KLF13: variants seen among roughly 807,000 people sequenced by gnomAD.
KLF13 encodes the protein Krueppel-like factor 13.
A neutral mutation model predicts 16.7 loss-of-function variants in KLF13; 8 were observed. The ratio of observed to expected loss-of-function variants is 0.48; its 90% CI spans 0.28 to 0.87. The LOEUF is 0.87. Among genes scored for constraint, KLF13 ranks in the 40% least tolerant of loss-of-function variants. The pLI is 0.10. For synonymous variants in KLF13, 245 were observed against 208.4 expected, an observed-to-expected ratio of 1.18 and a Z score of -1.51; for missense variants, 447 against 452.2, an observed-to-expected ratio of 0.99 and a Z score of 0.10.
At chr15:31,434,395 T>C (rs901432153) in intron 1 of KLF13, among the ~76,000 whole-genome samples, 5 of 151,992 alleles carry the variant, frequency 3.3e-5, no homozygotes, top group Non-Finnish European at 5.9e-5. Flanking sequence ...AGGCCTTTTA[T>C]AGAGGACTGG....
At chr15:31,349,726 A>G (rs766430853) in intron 1 of KLF13, among the ~76,000 whole-genome samples, 1 of 152,092 alleles carries the variant, frequency 6.6e-6, no homozygotes, top group Non-Finnish European at 1.5e-5. Context: ...TGTGCCTGTG[A>G]CCCAGGCTGG....
At chr15:31,358,844 C>T (rs551715147) in intron 1 of KLF13, among the ~76,000 whole-genome samples, 12 of 152,318 alleles carry the variant, frequency 7.9e-5, no homozygotes, top group Admixed American at 5.9e-4. Flanking sequence ...CATTGCCTCC[C>T]GATGCCCAGA....
intron 1 of KLF13, among the ~76,000 whole-genome samples, chr15:31,416,827 C>T (rs1052674147): frequency 6.6e-6 from 1 of 152,126 alleles, no homozygotes; most frequent in African/African-American, 2.4e-5. Flanking sequence ...TTGTGTGTTG[C>T]ATGTTTGCTT....
intron 2 of KLF13, among the ~76,000 whole-genome samples, chr15:31,397,883 T>TGGG (rs2039976949): frequency 3.1e-5 from 4 of 128,068 alleles, no homozygotes; most frequent in African/African-American, 1.3e-4. Context: ...GCGGGGGGGG[T>TGGG]GGTGATCCAC....
At chr15:31,406,346 AG>A (rs776528998), downstream of KLF13, among the ~76,000 whole-genome samples, 4 of 152,190 alleles carry the variant, frequency 2.6e-5, no homozygotes, top group Non-Finnish European at 5.9e-5. Context: ...GTGAGGCAGC[AG>A]GCACCTGTAA....
At position 31,376,870 on chromosome 15, in the gene KLF13, C is replaced by T. The variant is rs531813054; in HGVS notation, c.*4571C>T. On this transcript the variant is annotated 3_prime_UTR_variant, in exon 2 of 2. Coordinates refer to ENST00000307145, the MANE Select transcript of KLF13 (RefSeq NM_015995.4). ...CTGGCCCTGCCCTGCCTCTCTCTTTCTCATACAGCTTTAAAACTTTACTAC... is the reference window on the plus strand; with the variant it reads ...CTGGCCCTGCCCTGCCTCTCTCTTTTTCATACAGCTTTAAAACTTTACTAC... 2 of 152,492 alleles carry T rather than the reference C, an allele frequency of 1.3e-5. No homozygotes were observed. Among genetic ancestry groups the T allele is most frequent in the African/African-American group, 4.8e-5 (2 of 41,456 alleles). The allele number at this position is 152,492 out of a possible 1,614,324, so 9.4% of individuals were successfully genotyped here.
rs925494257 is a variant in KLF13 at position 31,327,075 on chromosome 15, CGCCCA to C, written c.-118_-114del. The C allele has an allele frequency of 2.2e-4, 165 of 737,304 alleles. 1 individual carries two copies. The highest frequency in any genetic ancestry group is 3.3e-4 in the South Asian group (5 of 15,142). The allele number at this position is 737,304 out of a possible 1,614,324, so 45.7% of individuals were successfully genotyped here. On this transcript the variant is annotated 5_prime_UTR_variant, in exon 1 of 2. Coordinates refer to ENST00000307145, the MANE Select transcript of KLF13 (RefSeq NM_015995.4). ...GCGGGTGACGGCACAGGCGGCTGCGCGCCCAGCCCAGCCCAGCCCAGCCCGAGGAG... is the reference window on the plus strand; with the variant it reads ...GCGGGTGACGGCACAGGCGGCTGCGCGCCCAGCCCAGCCCAGCCCGAGGAG...
Position 31,327,178 on chromosome 15 carries a change from C to A in KLF13, c.-35C>A. On this transcript the variant is annotated 5_prime_UTR_variant, in exon 1 of 2. Transcript: ENST00000307145. ...GTGCGGATGCGCGGCTGACGACTCG[C>A]AGCAAGAGCACCGCCGCCGGCCCCA... 7.7e-7 allele frequency: 1 copy of A among 1,293,644 alleles called. No homozygotes were observed. Among genetic ancestry groups the A allele is most frequent in the South Asian group, 2.0e-5 (1 of 50,808 alleles). The allele number at this position is 1,293,644 out of a possible 1,614,324, so 80.1% of individuals were successfully genotyped here.
chr15:31,392,408 C>T (rs566524724), upstream of KLF13, among the ~76,000 whole-genome samples: 50 of 152,316 alleles, frequency 3.3e-4, no homozygotes, highest in Admixed American at 5.2e-4. Context: ...GGCGGCGGTG[C>T]TGAGCCTCGA....
At chr15:31,353,712 TGGCTGTG>T (rs2039253860) in intron 1 of KLF13, among the ~76,000 whole-genome samples, 1 of 152,160 alleles carries the variant, frequency 6.6e-6, no homozygotes, top group Non-Finnish European at 1.5e-5. Flanking sequence ...GGGGCTGTGG[TGGCTGTG>T]GCCAGAGTTC....
At chr15:31,391,786 G>T (rs1342714688), upstream of KLF13, among the ~76,000 whole-genome samples, 1 of 152,144 alleles carries the variant, frequency 6.6e-6, no homozygotes, top group East Asian at 1.9e-4. Flanking sequence ...AGCCCTCGAG[G>T]AGTCCGCGGA....
intron 1 of KLF13, among the ~76,000 whole-genome samples, chr15:31,333,978 G>A (rs903675007): frequency 6.6e-6 from 1 of 152,056 alleles, no homozygotes; most frequent in African/African-American, 2.4e-5. Flanking sequence ...TGGGATATTA[G>A]CCTGTCCTAC....
At chr15:31,415,894 T>G (rs970841116) in intron 1 of KLF13, among the ~76,000 whole-genome samples, 1 of 151,650 alleles carries the variant, frequency 6.6e-6, no homozygotes, top group Admixed American at 6.6e-5. Context: ...AATTGATAAA[T>G]ATTTAATTTT....
At chr15:31,381,145 C>T (rs1018211201), downstream of KLF13, among the ~76,000 whole-genome samples, 1 of 137,150 alleles carries the variant, frequency 7.3e-6, no homozygotes, top group Admixed American at 8.4e-5. Flanking sequence ...GCACTCCTGC[C>T]TGGGCGACAG....
chr15:31,398,128 C>A (rs2039981422), intron 2 of KLF13, among the ~76,000 whole-genome samples: 1 of 152,202 alleles, frequency 6.6e-6, no homozygotes, highest in Admixed American at 6.5e-5. Context: ...TCGGATAAGG[C>A]CTTTGCCTGG....
At chr15:31,388,765 C>CAAA (rs11310230), upstream of KLF13, among the ~76,000 whole-genome samples, 8 of 106,190 alleles carry the variant, frequency 7.5e-5, 3 homozygotes, top group Non-Finnish European at 1.3e-4. Flanking sequence ...TAAAAAATCC[C>CAAA]AAAAAAAAAA....
intron 1 of KLF13, among the ~76,000 whole-genome samples, chr15:31,412,537 A>G (rs1217142813): frequency 1.3e-5 from 2 of 152,236 alleles, no homozygotes; most frequent in African/African-American, 2.4e-5. Flanking sequence ...ATACAAGTTT[A>G]ATAAACAAAA....
intron 1 of KLF13, among the ~76,000 whole-genome samples, chr15:31,421,702 T>C (rs886791714): frequency 6.6e-6 from 1 of 151,594 alleles, no homozygotes; most frequent in Non-Finnish European, 1.5e-5. Context: ...CAAAACCTAA[T>C]GAAAGGCAGC....
At chr15:31,390,595 G>A (rs1307634375), upstream of KLF13, among the ~76,000 whole-genome samples, 1 of 152,134 alleles carries the variant, frequency 6.6e-6, no homozygotes, top group Admixed American at 6.5e-5. Context: ...GATATTTTTA[G>A]AGGCAGGTCA....
Sources: allele counts gnomAD v4.1 joint callset (sites outside exome capture counted in the v4.1 genomes callset), GRCh38; gene constraint gnomAD v4.1.1; transcripts MANE v1.5; gene names NCBI Gene and HGNC (gene_info 2026-07-23, HGNC 2026-07-21).